Variants in SCN4B observed in about 807,000 individuals in gnomAD.
SCN4B encodes the protein sodium channel regulatory subunit beta-4.
In SCN4B, 20 loss-of-function variants were observed where a neutral mutation model predicts 19.6. The observed-to-expected ratio is 1.02, with a 90% CI of 0.72 to 1.48. SCN4B has a LOEUF of 1.48. Among genes scored for constraint, SCN4B ranks in the 40% most tolerant of loss-of-function variants. SCN4B has a pLI of 0.00. For synonymous variants in SCN4B, 127 were observed against 122.8 expected (o/e 1.03, Z -0.22); for missense variants, 271 against 287.5 (o/e 0.94, Z 0.42).
In SCN4B at chr11:118,136,092, A is replaced by AGGCGGAGAAGC; in HGVS notation, c.*934_*935insGCTTCTCCGCC. 1 of 424,180 alleles carries AGGCGGAGAAGC rather than the reference A, an allele frequency of 2.4e-6. No homozygotes were observed. The highest frequency in any genetic ancestry group is 4.6e-6 in the Non-Finnish European group (1 of 215,222). The allele number at this position is 424,180 out of a possible 1,614,324, so 26.3% of individuals were successfully genotyped here. A position where few individuals can be genotyped will look rare whatever the true frequency, so the allele number is the denominator to read the frequency against. On this transcript the variant is annotated 3_prime_UTR_variant, in exon 5 of 5. Transcript: ENST00000324727. ...TGGAGGGTGCAGCCTCTCAGGTAGG[A>AGGCGGAGAAGC]GGGGGAGAAGCAGGGGAGAGCTGGG...
In SCN4B at chr11:118,148,883, CGT is replaced by C. The variant is rs377256483; in HGVS notation, c.62-3656_62-3655del. 3.3e-5 allele frequency among the ~76,000 whole-genome samples: 5 copies of C among 151,574 alleles called. No homozygotes were observed. Among genetic ancestry groups the C allele is most frequent in the Non-Finnish European group, 5.9e-5 (4 of 67,898 alleles). On this transcript the variant is annotated intron_variant, in intron 1 of 4. Coordinates refer to ENST00000324727, the MANE Select transcript of SCN4B (RefSeq NM_174934.4). This position sits in a 1 kb window ranked among gnomAD's most constrained non-coding sequence, Gnocchi z 4.0. ...GTTAATTCTAGAATGTTAAAGTGTA[CGT>C]GTGTGTGTGTGTGAGAGTGGGGGGC...
intron 1 of SCN4B, among the ~76,000 whole-genome samples, chr11:118,150,008 T>G (rs912144680): frequency 5.3e-5 from 8 of 152,218 alleles, no homozygotes; most frequent in Non-Finnish European, 7.3e-5. Context: ...TCTCCTTGCT[T>G]CTTCTTTCCT....
At chr11:118,145,801 C>T (rs1948166529) in intron 1 of SCN4B, 3 of 206,702 alleles carry the variant, frequency 1.5e-5, no homozygotes, top group Admixed American at 5.3e-5. Context: ...GGAGGCTCCT[C>T]CCTGGTCCCC....
At position 118,139,901 on chromosome 11, in the gene SCN4B, C is replaced by CTTTT. The variant is rs778719637; in HGVS notation, c.593+1302_593+1305dup. On this transcript the variant is annotated intron_variant, in intron 4 of 4. Transcript: ENST00000324727. ...CATCTAGCATTCCTTTTTTTTTTTTCTTTTTTCTTTTTTTTTTTAAGAGAC... is the reference window on the plus strand; with the variant it reads ...CATCTAGCATTCCTTTTTTTTTTTTCTTTTTTTTTTCTTTTTTTTTTTAAGAGAC... 1.1e-4 allele frequency among the ~76,000 whole-genome samples: 11 copies of CTTTT among 104,604 alleles called. No homozygotes were observed. The South Asian group carries it at 2.7e-3, about 26-fold the overall frequency. 68.6% of individuals were successfully genotyped at this position (104,604 alleles called of 152,430 possible).
chr11:118,138,528 C>G (rs1948053674), intron 4 of SCN4B, among the ~76,000 whole-genome samples: 1 of 152,078 alleles, frequency 6.6e-6, no homozygotes, highest in African/African-American at 2.4e-5. Context: ...GTCTCTGTAC[C>G]TAAGGCATAG....
At chr11:118,143,649 G>T (rs1468923246) in intron 3 of SCN4B, among the ~76,000 whole-genome samples, 184 bp downstream of exon 3, 1 of 151,680 alleles carries the variant, frequency 6.6e-6, no homozygotes, top group East Asian at 1.9e-4. Context: ...TAAGCTATTT[G>T]GTAGCAGAAT....
In SCN4B at chr11:118,137,130, G is replaced by A. The variant is rs1260829267; in HGVS notation, c.594-10C>T. 1.3e-6 allele frequency: 2 copies of A among 1,594,644 alleles called. No individual in the cohort carries two copies. The highest frequency in any genetic ancestry group is 1.7e-5 in the Admixed American group (1 of 59,988). On this transcript the variant is annotated splice_polypyrimidine_tract_variant and intron_variant, in intron 4 of 4. Coordinates refer to ENST00000324727, the MANE Select transcript of SCN4B (RefSeq NM_174934.4). ...CACGAGACACTCCTTCCTGGAGAGG[G>A]AGAGAGAAGGGACAGTGGTGAGGAG...
In SCN4B at chr11:118,134,112, T is replaced by A. The variant is rs902636331; in HGVS notation, c.*2915A>T. 5 of 454,412 alleles carry A rather than the reference T, an allele frequency of 1.1e-5. No homozygotes were observed. The highest frequency in any genetic ancestry group is 2.2e-5 in the Non-Finnish European group (5 of 226,796). The allele number at this position is 454,412 out of a possible 1,614,324, so 28.1% of individuals were successfully genotyped here. A position where few individuals can be genotyped will look rare whatever the true frequency, so the allele number is the denominator to read the frequency against. On this transcript the variant is annotated 3_prime_UTR_variant, in exon 5 of 5. Transcript: ENST00000324727. Reference sequence around the variant, plus strand: ...GCTCTGATCGGCCTGCCATATGTAGTCTGAGCCCCATCGGCTGCTCTCCCC... The same window carrying A: ...GCTCTGATCGGCCTGCCATATGTAGACTGAGCCCCATCGGCTGCTCTCCCC...
At chr11:118,137,196 G>T in intron 4 of SCN4B, 76 bp from the exon 5 acceptor site, 1 of 1,095,340 alleles carries the variant, frequency 9.1e-7, no homozygotes, top group African/African-American at 1.5e-5. Flanking sequence ...GGAGCCGTGG[G>T]CCCTGCACCC....
In SCN4B at chr11:118,135,943, T is replaced by C; in HGVS notation, c.*1084A>G. 2.2e-6 allele frequency: 1 copy of C among 452,844 alleles called. No homozygotes were observed. Among genetic ancestry groups the C allele is most frequent in the Middle Eastern group, 7.0e-4 (1 of 1,436 alleles). 28.1% of individuals were successfully genotyped at this position (452,844 alleles called of 1,614,324 possible). ...GCTGGGAAACCCAAGGACCCCCTCATCCAAAGGAAGAGAGTCCCTGAGGCG... is the reference window on the plus strand; with the variant it reads ...GCTGGGAAACCCAAGGACCCCCTCACCCAAAGGAAGAGAGTCCCTGAGGCG... On this transcript the variant is annotated 3_prime_UTR_variant, in exon 5 of 5. Transcript: ENST00000324727.
At position 118,134,183 on chromosome 11, in the gene SCN4B, A is replaced by G. The variant is rs1051889476; in HGVS notation, c.*2844T>C. On this transcript the variant is annotated 3_prime_UTR_variant, in exon 5 of 5. Transcript: ENST00000324727. ...GTTTATTCGGGCTGCCTTCTGTTCA[A>G]TTACGACATGGGGAGAAGCCCAGAA... 5 of 454,048 alleles carry G rather than the reference A, an allele frequency of 1.1e-5. No individual in the cohort carries two copies. Among genetic ancestry groups the G allele is most frequent in the African/African-American group, 6.0e-5 (3 of 49,998 alleles). The allele number at this position is 454,048 out of a possible 1,614,324, so 28.1% of individuals were successfully genotyped here. A position where few individuals can be genotyped will look rare whatever the true frequency, so the allele number is the denominator to read the frequency against.
chr11:118,148,460 C>A lies in SCN4B; in HGVS notation c.62-3231G>T, dbSNP rs1364076382. ...AGTCCAGAGAGGACTGGTGAGCATG[C>A]GCAAGGCAGGCCCCACTCTGCCAGC... On this transcript the variant is annotated intron_variant, in intron 1 of 4. Coordinates refer to ENST00000324727, the MANE Select transcript of SCN4B (RefSeq NM_174934.4). The surrounding 1 kb of genome is among the most constrained non-coding windows in gnomAD (Gnocchi z 4.0). 6.6e-6 allele frequency among the ~76,000 whole-genome samples: 1 copy of A among 152,204 alleles called. No homozygotes were observed. The highest frequency in any genetic ancestry group is 1.5e-5 in the Non-Finnish European group (1 of 68,038).
Position 118,136,450 on chromosome 11 carries a change from A to G in SCN4B, c.*577T>C, listed in dbSNP as rs890510689. On this transcript the variant is annotated 3_prime_UTR_variant, in exon 5 of 5. Transcript: ENST00000324727. ...GGATAGGCAGATAGGGTCCCGGGGC[A>G]GGGGAAAGGAAGTTTCCTACTTGGA... The G allele has an allele frequency of 2.2e-6, 1 of 453,896 alleles. No homozygotes were observed. The highest frequency in any genetic ancestry group is 4.4e-6 in the Non-Finnish European group (1 of 226,718). 28.1% of individuals were successfully genotyped at this position (453,896 alleles called of 1,614,324 possible).
intron 3 of SCN4B, 198 bp from the exon 4 acceptor site, chr11:118,141,534 G>T: frequency 1.6e-6 from 1 of 639,054 alleles, no homozygotes; most frequent in Non-Finnish European, 2.8e-6. Context: ...ATCAGGCTAG[G>T]GCACACATAA....
chr11:118,145,641 T>G, intron 1 of SCN4B: 1 of 387,358 alleles, frequency 2.6e-6, no homozygotes, highest in Non-Finnish European at 4.7e-6. Context: ...GGAATTCCCC[T>G]AGGACAGTAC....
chr11:118,146,323 A>AC (rs948813643), intron 1 of SCN4B, among the ~76,000 whole-genome samples: 18 of 144,940 alleles, frequency 1.2e-4, no homozygotes, highest in African/African-American at 4.3e-4. Flanking sequence ...ACACACACCC[A>AC]CCCCCAGTCC....
intron 2 of SCN4B, 27 bp downstream of exon 2, chr11:118,145,030 T>C (rs900809630): frequency 6.2e-7 from 1 of 1,610,148 alleles, no homozygotes; most frequent in Non-Finnish European, 8.5e-7. Context: ...GAGGCTGGGC[T>C]GTACTGTTCT....
rs1037546490 is a variant in SCN4B at position 118,141,286 on chromosome 11, C to G, written c.514G>C (p.Gly172Arg). The G allele has an allele frequency of 6.2e-7, 1 of 1,612,616 alleles. No individual in the cohort carries two copies. The highest frequency in any genetic ancestry group is 8.5e-7 in the Non-Finnish European group (1 of 1,179,988). The change falls in exon 4 of 5, where the codon GGG (glycine) becomes CGG (arginine). Residue 172 changes from glycine to arginine, a missense_variant. Gly to Arg is a moderately radical substitution (Grantham distance 125). Transcript: ENST00000324727. ...VTLIILAVVG[G>R]VIGLLILILL... is the part of the protein sequence containing the mutation. ...ATGAGGATGAGGAGCCCGATGACCCCGCCCACGACAGCCAGGATGATGAGT... is the reference window on the plus strand; with the variant it reads ...ATGAGGATGAGGAGCCCGATGACCCGGCCCACGACAGCCAGGATGATGAGT...
chr11:118,133,798 ACT>A lies in SCN4B; in HGVS notation c.*3227_*3228del. 2.2e-6 allele frequency: 1 copy of A among 454,420 alleles called. No homozygotes were observed. The highest frequency in any genetic ancestry group is 2.0e-5 in the African/African-American group (1 of 50,010). The allele number at this position is 454,420 out of a possible 1,614,324, so 28.1% of individuals were successfully genotyped here. A position where few individuals can be genotyped will look rare whatever the true frequency, so the allele number is the denominator to read the frequency against. On this transcript the variant is annotated 3_prime_UTR_variant, in exon 5 of 5. Coordinates refer to ENST00000324727, the MANE Select transcript of SCN4B (RefSeq NM_174934.4). The stretch of plus-strand genomic sequence containing the variant: ...CCCTCTGATGGCAGCTGTCTGTGAC[ACT>A]GAGATGAAGTCATGGAGTGACGGAA...
Sources: gnomAD v4.1 joint callset for allele counts (sites outside exome capture counted in the v4.1 genomes callset) on GRCh38, gnomAD v4.1.1 for gene constraint, Gnocchi (gnomAD v3.1) non-coding constraint, MANE v1.5 for transcripts, NCBI Gene and HGNC (gene_info 2026-07-23, HGNC 2026-07-21) for gene names.